The following DDX10 variants were observed in gnomAD, a reference collection of about 807,000 sequenced individuals.
DDX10 encodes the protein DEAD-box helicase 10.
Under a neutral mutation model 104.3 loss-of-function variants are expected in DDX10, and 74 were observed. The ratio of observed to expected loss-of-function variants is 0.71; its 90% CI spans 0.59 to 0.86. DDX10 has a LOEUF of 0.86. Among genes scored for constraint, DDX10 ranks in the 40% least tolerant of loss-of-function variants. DDX10 has a pLI of 0.00. For missense variants in DDX10, 952 were observed against 1,040.0 expected (o/e 0.92, Z 1.16); for synonymous variants, 351 against 353.4 (o/e 0.99, Z 0.08).
intron 13 of DDX10, among the ~76,000 whole-genome samples, chr11:108,811,233 G>A (rs1862176050): frequency 6.6e-6 from 1 of 152,202 alleles, no homozygotes. Context: ...TCACCTTATG[G>A]AGATAAATGG....
rs80225053 is a variant in DDX10, at chr11:108,857,797, G to A, written c.2304+5588G>A. 2.4e-4 allele frequency among the ~76,000 whole-genome samples: 37 copies of A among 152,304 alleles called. No homozygotes were observed. In the East Asian group the frequency reaches 7.1e-3, roughly 29 times the overall value. ...TTGACTCTTAAGCATTAGGCCATAG[G>A]TCATTTCCGAGGTAGTCAAGAATAT... On this transcript the variant is annotated intron_variant, in intron 16 of 17. Transcript: ENST00000322536.
intron 13 of DDX10, among the ~76,000 whole-genome samples, chr11:108,777,864 G>A (rs551735634): frequency 6.6e-5 from 10 of 152,236 alleles, no homozygotes; most frequent in South Asian, 2.1e-4. Flanking sequence ...TACAAAATCA[G>A]TGTGCAAAAA....
intron 2 of DDX10, 92 bp from the exon 3 acceptor site, chr11:108,675,504 A>G (rs1385342416): frequency 2.1e-6 from 3 of 1,427,030 alleles, no homozygotes; most frequent in African/African-American, 2.9e-5. Flanking sequence ...TAGGGCTTCA[A>G]CATAGGAATT....
chr11:108,917,691 T>C (rs1863769037), intron 16 of DDX10, among the ~76,000 whole-genome samples, 182 bp from the exon 17 acceptor site: 3 of 152,244 alleles, frequency 2.0e-5, no homozygotes, highest in Admixed American at 6.5e-5. Context: ...TTTGAAATGA[T>C]AAGGATTTTC....
intron 16 of DDX10, among the ~76,000 whole-genome samples, chr11:108,869,768 G>T (rs1171965568): frequency 6.6e-6 from 1 of 151,928 alleles, no homozygotes; most frequent in Non-Finnish European, 1.5e-5. Flanking sequence ...TGAAATTTTG[G>T]CAGTAGAGAT....
intron 9 of DDX10, among the ~76,000 whole-genome samples, chr11:108,698,962 G>A (rs763779267): frequency 1.3e-5 from 2 of 152,168 alleles, no homozygotes; most frequent in Non-Finnish European, 2.9e-5. Context: ...CCACATGGCT[G>A]TCTTCCTCAC....
chr11:108,813,639 G>T (rs1218581059), intron 13 of DDX10, among the ~76,000 whole-genome samples: 2 of 151,984 alleles, frequency 1.3e-5, no homozygotes, highest in African/African-American at 2.4e-5. Flanking sequence ...GTTGAACAGG[G>T]CCTTCACTAC....
intron 13 of DDX10, among the ~76,000 whole-genome samples, chr11:108,803,326 G>T (rs1345537558): frequency 6.6e-6 from 1 of 151,602 alleles, no homozygotes. Context: ...AGCCACGGCG[G>T]CTCACGCCTG....
intron 13 of DDX10, among the ~76,000 whole-genome samples, chr11:108,758,030 G>C (rs1051599251): frequency 7.9e-5 from 12 of 152,014 alleles, no homozygotes; most frequent in South Asian, 2.1e-4. Context: ...TCAGTTGGGC[G>C]CTTCTTCTTT....
intron 16 of DDX10, among the ~76,000 whole-genome samples, chr11:108,901,389 A>G (rs1863515106): frequency 6.6e-6 from 1 of 152,178 alleles, no homozygotes; most frequent in African/African-American, 2.4e-5. Flanking sequence ...ATGTTAAAAG[A>G]TATTTGTGTG....
intron 13 of DDX10, among the ~76,000 whole-genome samples, chr11:108,748,962 C>T (rs903027192): frequency 2.6e-5 from 4 of 151,984 alleles, no homozygotes; most frequent in African/African-American, 7.2e-5. Context: ...CCACGCCTGG[C>T]CTAAACTCAT....
chr11:108,890,249 T>A (rs1387271287), intron 16 of DDX10, among the ~76,000 whole-genome samples: 1 of 152,168 alleles, frequency 6.6e-6, no homozygotes, highest in Non-Finnish European at 1.5e-5. Flanking sequence ...GGAACCCACA[T>A]TCTGTGCCTA....
chr11:108,674,041 T>A (rs926507543), intron 2 of DDX10, among the ~76,000 whole-genome samples: 4 of 152,150 alleles, frequency 2.6e-5, no homozygotes, highest in Non-Finnish European at 5.9e-5. Flanking sequence ...TGTATATATT[T>A]GGCCAGGTGT....
At chr11:108,696,624 G>A (rs2094260242) in intron 9 of DDX10, among the ~76,000 whole-genome samples, 1 of 152,128 alleles carries the variant, frequency 6.6e-6, no homozygotes, top group African/African-American at 2.4e-5. Flanking sequence ...TCTGCATTCT[G>A]TGCTCCTGTG....
intron 10 of DDX10, among the ~76,000 whole-genome samples, chr11:108,714,710 A>T (rs758479824): frequency 1.2e-4 from 18 of 152,200 alleles, no homozygotes; most frequent in Non-Finnish European, 2.5e-4. Context: ...GTCACTAAGG[A>T]TGTGTACATT....
rs1207818809 is a variant in DDX10, at chr11:108,786,506, G to C, written c.1966-51940G>C. On this transcript the variant is annotated intron_variant, in intron 13 of 17. Transcript: ENST00000322536. ...CGGTGTAAGTGTTTTCGTAGGTCAG[G>C]AAGAACTTGTTTTATGGATCTGGGT... 3.3e-5 allele frequency among the ~76,000 whole-genome samples: 5 copies of C among 151,378 alleles called. No individual in the cohort carries two copies. The East Asian group carries it at 9.7e-4, about 29-fold the overall frequency.
At chr11:108,706,609 G>C in intron 9 of DDX10, 130 bp from the exon 10 acceptor site, 1 of 713,890 alleles carries the variant, frequency 1.4e-6, no homozygotes, top group Admixed American at 2.2e-5. Flanking sequence ...TGTTATCAGA[G>C]ATTAAAAGCC....
chr11:108,716,033 A>C (rs904897796), intron 11 of DDX10, 67 bp downstream of exon 11: 102 of 865,896 alleles, frequency 1.2e-4, no homozygotes, highest in Non-Finnish European at 1.3e-5. Context: ...ATTTTCTGCT[A>C]CTTCTAGGTT....
intron 13 of DDX10, among the ~76,000 whole-genome samples, chr11:108,730,669 T>C (rs2094310921): frequency 6.6e-6 from 1 of 152,202 alleles, no homozygotes; most frequent in African/African-American, 2.4e-5. Flanking sequence ...TTCCTATAAA[T>C]GTGAGCATAA....
Sources: gnomAD v4.1 joint callset for allele counts (sites outside exome capture counted in the v4.1 genomes callset) on GRCh38, gnomAD v4.1.1 for gene constraint, MANE v1.5 for transcripts, NCBI Gene and HGNC (gene_info 2026-07-23, HGNC 2026-07-21) for gene names.